Variants in PATJ observed in about 807,000 individuals in gnomAD.
PATJ encodes PATJ crumbs cell polarity complex component, also known as inaD-like protein.
Under a neutral mutation model 224.9 loss-of-function variants are expected in PATJ, and 190 were observed. That is an observed-to-expected ratio of 0.84 (90% CI 0.75 to 0.95). The LOEUF is 0.95. PATJ is among the 40% of genes least tolerant of loss of function. The probability of loss-of-function intolerance (pLI) is 0.00; values close to 1 mark genes in which losing one functional copy is unlikely to be tolerated. For missense variants in PATJ, 2,121 were observed against 2,270.3 expected (o/e 0.93, Z 1.34); for synonymous variants, 769 against 820.3 (o/e 0.94, Z 1.07).
At chr1:62,020,463 T>C (rs1647016924) in intron 29 of PATJ, among the ~76,000 whole-genome samples, 1 of 152,162 alleles carries the variant, frequency 6.6e-6, no homozygotes. Flanking sequence ...AATGCAATTG[T>C]GTAGTTGGGA....
At chr1:61,752,498 G>C (rs1420017220) in intron 1 of PATJ, among the ~76,000 whole-genome samples, 1 of 151,942 alleles carries the variant, frequency 6.6e-6, no homozygotes, top group Non-Finnish European at 1.5e-5. Context: ...ATTTTCAGTA[G>C]AGGCGGGTTT....
Position 61,927,798 on chromosome 1 carries a change from T to C in PATJ, c.3639T>C (p.Asp1213=), listed in dbSNP as rs748087532. 1 of 1,613,522 alleles carries C rather than the reference T, an allele frequency of 6.2e-7. No individual in the cohort carries two copies. Among genetic ancestry groups the C allele is most frequent in the East Asian group, 2.2e-5 (1 of 44,844 alleles). Residue 1213 remains aspartate, a synonymous_variant, in exon 27 of 44, where the codon GAT becomes GAC. Transcript: ENST00000642238. The part of the protein sequence containing the change: ...PPYKALTDDS[D]ENEEEDAFTD... ...ATAAAGCTCTGACTGATGACAGTGA[T>C]GAAAATGAAGAAGAAGATGCCTTTA...
chr1:61,807,817 A>C (rs187900813), intron 13 of PATJ, among the ~76,000 whole-genome samples: 70 of 152,364 alleles, frequency 4.6e-4, no homozygotes, highest in African/African-American at 1.6e-3. Context: ...ATATTTTATT[A>C]ACAAGTTACA....
chr1:62,022,644 A>G (rs1647152502), intron 29 of PATJ, among the ~76,000 whole-genome samples: 1 of 152,130 alleles, frequency 6.6e-6, no homozygotes, highest in South Asian at 2.1e-4. Context: ...ACCTTCCCCC[A>G]CTATCAAAAA....
chr1:61,968,746 TCCC>T (rs1682529643), intron 27 of PATJ, among the ~76,000 whole-genome samples: 1 of 152,044 alleles, frequency 6.6e-6, no homozygotes, highest in African/African-American at 2.4e-5. Context: ...TGTGTGATGT[TCCC>T]CACCCTGTGT....
intron 41 of PATJ, among the ~76,000 whole-genome samples, chr1:62,137,748 ACG>A (rs1396115933): frequency 3.3e-5 from 5 of 151,654 alleles, no homozygotes; most frequent in Non-Finnish European, 7.4e-5. Context: ...ACAGATGCAA[ACG>A]TCTCTAACTG....
intron 22 of PATJ, among the ~76,000 whole-genome samples, chr1:61,898,994 A>G (rs574523713): frequency 6.6e-6 from 1 of 152,194 alleles, no homozygotes; most frequent in South Asian, 2.1e-4. Flanking sequence ...TGTTCAGTTC[A>G]GTAGTACTAT....
intron 1 of PATJ, among the ~76,000 whole-genome samples, chr1:61,760,202 C>T (rs1645886489): frequency 6.6e-6 from 1 of 152,146 alleles, no homozygotes; most frequent in Admixed American, 6.5e-5. Flanking sequence ...TTTTGATGCT[C>T]TATTCAGCAC....
chr1:62,035,354 G>T (rs1297044722), intron 29 of PATJ, among the ~76,000 whole-genome samples: 2 of 152,204 alleles, frequency 1.3e-5, no homozygotes, highest in Non-Finnish European at 2.9e-5. Flanking sequence ...AATCCAAAAA[G>T]CATAGAGCTT....
intron 38 of PATJ, among the ~76,000 whole-genome samples, chr1:62,121,820 T>C (rs574864722): frequency 6.6e-6 from 1 of 151,310 alleles, no homozygotes; most frequent in East Asian, 1.9e-4. Flanking sequence ...ACAAAGCACC[T>C]GAAAAACAGA....
intron 7 of PATJ, among the ~76,000 whole-genome samples, chr1:61,778,036 T>C (rs1051861516): frequency 2.0e-5 from 3 of 152,040 alleles, no homozygotes; most frequent in Non-Finnish European, 4.4e-5. Context: ...CAGGCCACCA[T>C]GCCTAGCTAG....
At chr1:61,949,652 ATCCCAGCACTTTGGGAGG>A (rs1412381797) in intron 27 of PATJ, among the ~76,000 whole-genome samples, 4 of 152,242 alleles carry the variant, frequency 2.6e-5, no homozygotes, top group African/African-American at 7.2e-5. Context: ...CACACCTGTA[ATCCCAGCACTTTGGGAGG>A]CCAAGGCAGG....
At chr1:62,113,851 C>T (rs1475565) in intron 34 of PATJ, among the ~76,000 whole-genome samples, 94,637 of 152,000 alleles carry the variant, frequency 0.62, 30,433 homozygotes, top group East Asian at 0.77. Context: ...ACCCTTTGTG[C>T]ACATGTTGGG....
rs1318178307 is a variant in PATJ, at chr1:62,158,726, A to C, written c.5503-2182A>C. Among the ~76,000 whole-genome samples the C allele has an allele frequency of 3.3e-5, 5 of 149,440 alleles. No individual in the cohort carries two copies. The East Asian group carries it at 9.8e-4, about 29-fold the overall frequency. On this transcript the variant is annotated intron_variant, in intron 43 of 43. Coordinates refer to ENST00000642238, the MANE Select transcript of PATJ (RefSeq NM_001350145.3). ...ACAGAGCGAGACTCTGTCTCAAAAA[A>C]AAAACAAAAAAAAAGAGTTCGAGAC... is the stretch of plus-strand genomic sequence containing the variant.
intron 27 of PATJ, among the ~76,000 whole-genome samples, chr1:61,959,476 C>A (rs1409494124): frequency 1.5e-5 from 2 of 135,466 alleles, no homozygotes; most frequent in Non-Finnish European, 3.1e-5. Flanking sequence ...TGCTCCATTG[C>A]CAGGCTGGAG....
At chr1:62,095,256 C>T (rs10127438) in intron 33 of PATJ, among the ~76,000 whole-genome samples, 32,006 of 152,072 alleles carry the variant, frequency 0.21, 3,452 homozygotes, top group South Asian at 0.33. Flanking sequence ...AGTATAATTT[C>T]GATTGACTAC....
rs1351949302 is a variant in PATJ at position 61,833,485 on chromosome 1, A to C, written c.1981-169A>C. 11 of 532,472 alleles carry C rather than the reference A, an allele frequency of 2.1e-5. No individual in the cohort carries two copies. In the East Asian group the frequency reaches 3.7e-4, roughly 18 times the overall value. 33.0% of individuals were successfully genotyped at this position (532,472 alleles called of 1,614,324 possible). On this transcript the variant is annotated intron_variant, in intron 16 of 43. Coordinates refer to ENST00000642238, the MANE Select transcript of PATJ (RefSeq NM_001350145.3). Reference sequence around the variant, plus strand: ...GAATTTTTATAAGATCTTATCCTGGAGTGTGTGTGCCCCAGAGCATGCCCC... The same window carrying C: ...GAATTTTTATAAGATCTTATCCTGGCGTGTGTGTGCCCCAGAGCATGCCCC...
At chr1:61,818,542 G>A (rs138313848) in intron 14 of PATJ, among the ~76,000 whole-genome samples, 162 of 152,340 alleles carry the variant, frequency 1.1e-3, no homozygotes, top group African/African-American at 3.4e-3. Context: ...TCCTGCTCCC[G>A]CAGAGAAGCT....
At chr1:61,903,672 G>C (rs2482851) in intron 24 of PATJ, among the ~76,000 whole-genome samples, 2 of 151,824 alleles carry the variant, frequency 1.3e-5, no homozygotes, top group South Asian at 4.2e-4. Context: ...GACATTATGT[G>C]GTTTTCTTCT....
Sources: allele counts gnomAD v4.1 joint callset (sites outside exome capture counted in the v4.1 genomes callset), GRCh38; gene constraint gnomAD v4.1.1; transcripts MANE v1.5; gene names NCBI Gene and HGNC (gene_info 2026-07-23, HGNC 2026-07-21).